PREX1: variants seen among roughly 807,000 people sequenced by gnomAD.
The protein encoded by PREX1 is phosphatidylinositol 3,4,5-trisphosphate-dependent Rac exchanger 1 protein.
A neutral mutation model predicts 198.3 loss-of-function variants in PREX1; 41 were observed. The ratio of observed to expected loss-of-function variants is 0.21; its 90% CI spans 0.16 to 0.27. The LOEUF is 0.27. Among genes scored for constraint, PREX1 ranks in the 10% least tolerant of loss-of-function variants. The probability of loss-of-function intolerance (pLI) is 1.00; values close to 1 mark genes in which losing one functional copy is unlikely to be tolerated. For missense variants in PREX1, 1,620 were observed against 2,200.7 expected (o/e 0.74, Z 5.28); for synonymous variants, 843 against 887.2 (o/e 0.95, Z 0.89).
intron 1 of PREX1, among the ~76,000 whole-genome samples, chr20:48,756,333 C>G (rs542819425): frequency 2.0e-5 from 3 of 152,336 alleles, no homozygotes; most frequent in Admixed American, 1.3e-4. Context: ...GGGCCAGAAA[C>G]AGAGAGCCAC....
chr20:48,681,138 A>G, intron 11 of PREX1, 97 bp downstream of exon 11: 5 of 1,069,232 alleles, frequency 4.7e-6, no homozygotes, highest in Middle Eastern at 5.2e-4. Flanking sequence ...CGGCTGCACG[A>G]AAGGATAGGA....
intron 33 of PREX1, 141 bp downstream of exon 33, chr20:48,634,535 T>A (rs2089345962): frequency 1.5e-6 from 1 of 663,022 alleles, no homozygotes; most frequent in African/African-American, 1.8e-5. Flanking sequence ...GTTGGAGGCA[T>A]GAGGTTTGAC....
Position 48,684,107 on chromosome 20 carries a change from G to A in PREX1, c.1335-2772C>T, listed in dbSNP as rs1369722023. On this transcript the variant is annotated intron_variant, in intron 10 of 39. Coordinates refer to ENST00000371941, the MANE Select transcript of PREX1 (RefSeq NM_020820.4). The surrounding 1 kb of genome is among the most constrained non-coding windows in gnomAD (Gnocchi z 4.2). ...GGCATGGTGAGCTGAGAGTTAGGATGTGTCAGCTTTCATCCCTCCTTCCTT... is the reference window on the plus strand; with the variant it reads ...GGCATGGTGAGCTGAGAGTTAGGATATGTCAGCTTTCATCCCTCCTTCCTT... Among the ~76,000 whole-genome samples the A allele has an allele frequency of 2.0e-5, 3 of 152,166 alleles. No homozygotes were observed. The highest frequency in any genetic ancestry group is 2.9e-5 in the Non-Finnish European group (2 of 68,024).
chr20:48,810,586 A>T (rs1381741978), intron 1 of PREX1, among the ~76,000 whole-genome samples: 5 of 128,754 alleles, frequency 3.9e-5, no homozygotes, highest in African/African-American at 8.7e-5. Flanking sequence ...CACCTCAATT[A>T]AAAAAAAAAA....
chr20:48,791,286 G>A (rs1346159891), intron 1 of PREX1, among the ~76,000 whole-genome samples: 1 of 152,188 alleles, frequency 6.6e-6, no homozygotes, highest in Non-Finnish European at 1.5e-5. Context: ...GCACGTCTGT[G>A]CATTTGTGTG....
intron 1 of PREX1, among the ~76,000 whole-genome samples, chr20:48,823,449 T>C (rs2090496338): frequency 6.6e-6 from 1 of 152,066 alleles, no homozygotes; most frequent in Non-Finnish European, 1.5e-5. Context: ...ACTGTGCCCG[T>C]TGGACAGATG....
chr20:48,659,964 G>A lies in PREX1; in HGVS notation c.1836C>T (p.Arg612=). 1 of 1,614,246 alleles carries A rather than the reference G, an allele frequency of 6.2e-7. No homozygotes were observed. The highest frequency in any genetic ancestry group is 1.6e-4 in the Middle Eastern group (1 of 6,062). The change falls in exon 16 of 40, where the codon CGC becomes CGT. Residue 612 remains arginine (R), a synonymous_variant. Coordinates refer to ENST00000371941, the MANE Select transcript of PREX1 (RefSeq NM_020820.4). ...TGTTCTCCACCAGCTTGAAGTCGTT[G>A]CGAAGCTGTTTGTTCTTGCTGCTGG... ...EGTSSKNKQL[R]NDFKLVENIL... is the part of the protein sequence containing the mutation.
chr20:48,723,295 TG>T (rs1320042355), intron 5 of PREX1, among the ~76,000 whole-genome samples: 1 of 152,112 alleles, frequency 6.6e-6, no homozygotes, highest in African/African-American at 2.4e-5. Context: ...GGGGGTGGGC[TG>T]GGGGGTTGAG....
chr20:48,697,989 C>T (rs2089855664), intron 7 of PREX1, among the ~76,000 whole-genome samples: 1 of 152,208 alleles, frequency 6.6e-6, no homozygotes, highest in African/African-American at 2.4e-5. Context: ...GCATTGCCTG[C>T]ACCCACATCA....
intron 5 of PREX1, among the ~76,000 whole-genome samples, chr20:48,708,660 G>A (rs1424130689): frequency 6.6e-6 from 1 of 152,160 alleles, no homozygotes; most frequent in African/African-American, 2.4e-5. Flanking sequence ...TTCACAAGGA[G>A]GTCAGGGGAG....
chr20:48,703,385 C>A (rs1409346692), intron 6 of PREX1, among the ~76,000 whole-genome samples: 1 of 152,202 alleles, frequency 6.6e-6, no homozygotes, highest in Non-Finnish European at 1.5e-5. Flanking sequence ...GCTGGCATGC[C>A]CACAGGCAGA....
At position 48,744,142 on chromosome 20, in the gene PREX1, G is replaced by C. The variant is rs181142440; in HGVS notation, c.414+883C>G. On this transcript the variant is annotated intron_variant, in intron 3 of 39. Transcript: ENST00000371941. ...GTCGGGGCTGTCATGTGCATTATAG[G>C]ATGTTTGGTGGCATCCCTGGCCTCT... Among the ~76,000 whole-genome samples the C allele has an allele frequency of 6.6e-5, 10 of 152,240 alleles. No individual in the cohort carries two copies. In the East Asian group the frequency reaches 1.9e-3, roughly 29 times the overall value.
intron 26 of PREX1, among the ~76,000 whole-genome samples, chr20:48,645,166 C>T (rs181381477): frequency 4.3e-4 from 65 of 152,246 alleles, no homozygotes; most frequent in African/African-American, 1.5e-3. Flanking sequence ...ATTCACGCTG[C>T]GAGGACTGGG....
At chr20:48,853,992 C>T in the PREX1 span, among the ~76,000 whole-genome samples, 1 of 152,198 alleles carries the variant, frequency 6.6e-6, no homozygotes, top group Non-Finnish European at 1.5e-5. Context: ...CCGTGCACAC[C>T]TCTCAGGACG....
chr20:48,670,874 G>C (rs1038743573), intron 14 of PREX1, among the ~76,000 whole-genome samples: 12 of 152,328 alleles, frequency 7.9e-5, no homozygotes, highest in African/African-American at 2.9e-4. Context: ...CCTGCGGCAA[G>C]TTACATAACC....
At chr20:48,680,508 C>T (rs1352320149) in intron 11 of PREX1, among the ~76,000 whole-genome samples, 1 of 152,186 alleles carries the variant, frequency 6.6e-6, no homozygotes, top group Non-Finnish European at 1.5e-5. Flanking sequence ...CCTGGACTCT[C>T]CCATCAGCCC....
intron 5 of PREX1, among the ~76,000 whole-genome samples, chr20:48,715,797 T>C (rs777334825): frequency 6.6e-6 from 1 of 152,214 alleles, no homozygotes; most frequent in Non-Finnish European, 1.5e-5. Flanking sequence ...ACTAAGTACT[T>C]ACTGTGCACC....
the PREX1 span, among the ~76,000 whole-genome samples, chr20:48,844,283 C>T: frequency 5.9e-5 from 9 of 152,278 alleles, no homozygotes; most frequent in South Asian, 4.1e-4. Context: ...TTCCCTTGCA[C>T]GGCCATGTTC....
chr20:48,758,212 C>T (rs1207103749), intron 1 of PREX1, among the ~76,000 whole-genome samples: 1 of 152,222 alleles, frequency 6.6e-6, no homozygotes, highest in Non-Finnish European at 1.5e-5. Context: ...GGAACGCACA[C>T]CTCACAGCCA....
Sources: gnomAD v4.1 joint callset for allele counts (sites outside exome capture counted in the v4.1 genomes callset) on GRCh38, gnomAD v4.1.1 for gene constraint, Gnocchi (gnomAD v3.1) non-coding constraint, MANE v1.5 for transcripts, NCBI Gene and HGNC (gene_info 2026-07-23, HGNC 2026-07-21) for gene names.